C1QTNF3: variants seen among roughly 807,000 people sequenced by gnomAD.
C1QTNF3 encodes the protein C1q and TNF related 3.
Under a neutral mutation model 32.6 loss-of-function variants are expected in C1QTNF3, and 26 were observed. That is an observed-to-expected ratio of 0.80 (90% CI 0.58 to 1.11). C1QTNF3 has a LOEUF of 1.11. Among genes scored for constraint, C1QTNF3 ranks in the 50% least tolerant of loss-of-function variants. C1QTNF3 has a pLI of 0.00. For missense variants in C1QTNF3, 362 were observed against 398.2 expected (o/e 0.91, Z 0.77); for synonymous variants, 155 against 146.0 (o/e 1.06, Z -0.44).
intron 1 of C1QTNF3, among the ~76,000 whole-genome samples, chr5:34,040,944 T>C (rs548572358): frequency 4.3e-4 from 65 of 152,308 alleles, no homozygotes; most frequent in Non-Finnish European, 7.2e-4. Flanking sequence ...ATTTAACACA[T>C]GGCATTTAAT....
the C1QTNF3 span, among the ~76,000 whole-genome samples, chr5:34,173,936 T>C: frequency 6.6e-6 from 1 of 152,166 alleles, no homozygotes; most frequent in Non-Finnish European, 1.5e-5. Flanking sequence ...AGAGTCAGCA[T>C]GGTCAAAATA....
the C1QTNF3 span, among the ~76,000 whole-genome samples, chr5:34,114,363 T>C: frequency 5.9e-5 from 9 of 152,176 alleles, no homozygotes; most frequent in African/African-American, 2.2e-4. Context: ...ATATTCAGTA[T>C]CTATAAGCAA....
chr5:34,158,075 A>G, the C1QTNF3 span: 3 of 151,122 alleles, frequency 2.0e-5, no homozygotes, highest in Admixed American at 1.3e-4. Flanking sequence ...TCAATCTAAG[A>G]GCATACTAAA....
chr5:34,078,751 A>G, the C1QTNF3 span, among the ~76,000 whole-genome samples: 1 of 151,600 alleles, frequency 6.6e-6, no homozygotes, highest in Non-Finnish European at 1.5e-5. The surrounding 1 kb of genome is among the most constrained non-coding windows in gnomAD (Gnocchi z 4.0). Context: ...CCCACCTTGT[A>G]AACCTTCTTG....
chr5:34,221,601 C>G, the C1QTNF3 span, among the ~76,000 whole-genome samples: 1 of 152,042 alleles, frequency 6.6e-6, no homozygotes, highest in Non-Finnish European at 1.5e-5. Context: ...AAGTACCTTT[C>G]ACTATAAAAT....
chr5:34,123,402 T>C, the C1QTNF3 span, among the ~76,000 whole-genome samples: 1 of 152,086 alleles, frequency 6.6e-6, no homozygotes, highest in Non-Finnish European at 1.5e-5. Context: ...ATAAATAATA[T>C]CAGATTTTCA....
At chr5:34,083,872 CA>C in the C1QTNF3 span, among the ~76,000 whole-genome samples, 1 of 151,818 alleles carries the variant, frequency 6.6e-6, no homozygotes, top group Non-Finnish European at 1.5e-5. Context: ...TCATTATATT[CA>C]AATTGTTCCA....
the C1QTNF3 span, among the ~76,000 whole-genome samples, chr5:34,086,691 T>G: frequency 6.6e-6 from 1 of 152,174 alleles, no homozygotes; most frequent in Non-Finnish European, 1.5e-5. Flanking sequence ...CTTGGTGGCT[T>G]GTGATAAAAT....
chr5:34,194,752 T>G, the C1QTNF3 span, among the ~76,000 whole-genome samples: 1 of 152,300 alleles, frequency 6.6e-6, no homozygotes, highest in Admixed American at 6.5e-5. Context: ...GGGACTAGTT[T>G]CAGGATCTCC....
At chr5:34,164,298 A>G in the C1QTNF3 span, among the ~76,000 whole-genome samples, 1 of 152,106 alleles carries the variant, frequency 6.6e-6, no homozygotes, top group South Asian at 2.1e-4. Flanking sequence ...ATGGTACGAG[A>G]TATTTTGCAC....
intron 5 of C1QTNF3, 143 bp from the exon 6 acceptor site, chr5:34,020,885 C>A (rs575954038): frequency 2.6e-6 from 2 of 771,060 alleles, no homozygotes; most frequent in East Asian, 2.6e-5. Context: ...CAGAAATGAC[C>A]TATGTACCAC....
the C1QTNF3 span, among the ~76,000 whole-genome samples, chr5:34,178,396 A>T: frequency 6.6e-6 from 1 of 152,194 alleles, no homozygotes; most frequent in African/African-American, 2.4e-5. Context: ...TGTAAGCACG[A>T]TAAATTTAAG....
the C1QTNF3 span, among the ~76,000 whole-genome samples, chr5:34,188,213 C>A: frequency 4.5e-4 from 31 of 68,864 alleles, no homozygotes; most frequent in South Asian, 1.4e-3. Context: ...GCCTGGAAAT[C>A]CAGGCAAGTT....
chr5:34,240,428 C>A, the C1QTNF3 span, among the ~76,000 whole-genome samples: 1 of 150,192 alleles, frequency 6.7e-6, no homozygotes, highest in Non-Finnish European at 1.5e-5. Context: ...ATCAGAATGA[C>A]AAAAACGACA....
chr5:34,050,698 C>A, the C1QTNF3 span, among the ~76,000 whole-genome samples: 1 of 152,176 alleles, frequency 6.6e-6, no homozygotes, highest in Non-Finnish European at 1.5e-5. Flanking sequence ...TTCCCTATGA[C>A]ATATAAGTTC....
chr5:34,185,197 A>AAT, the C1QTNF3 span, among the ~76,000 whole-genome samples: 8,941 of 147,576 alleles, frequency 0.061, 7 homozygotes, highest in African/African-American at 0.18. Flanking sequence ...AACTACAAAA[A>AAT]ATATATATAT....
Position 34,019,741 on chromosome 5 carries a change from T to C in C1QTNF3, c.*842A>G, listed in dbSNP as rs867772663. On this transcript the variant is annotated 3_prime_UTR_variant, in exon 6 of 6. Coordinates refer to ENST00000382065, the MANE Select transcript of C1QTNF3 (RefSeq NM_181435.6). ...TTATTTCCATATATTGCTCATTACA[T>C]TTTTCTTGCCACAGTTTTATCTAAA... 1 of 152,230 alleles carries C rather than the reference T, an allele frequency of 6.6e-6. No homozygotes were observed. The highest frequency in any genetic ancestry group is 2.1e-4 in the South Asian group (1 of 4,834). 9.4% of individuals were successfully genotyped at this position (152,230 alleles called of 1,614,324 possible).
the C1QTNF3 span, among the ~76,000 whole-genome samples, chr5:34,107,878 T>A: frequency 6.6e-6 from 1 of 152,072 alleles, no homozygotes; most frequent in Non-Finnish European, 1.5e-5. Context: ...AGACTTGAGC[T>A]CAGTTTTATT....
the C1QTNF3 span, among the ~76,000 whole-genome samples, chr5:34,074,986 G>T: frequency 6.6e-6 from 1 of 151,570 alleles, no homozygotes; most frequent in Non-Finnish European, 1.5e-5. Flanking sequence ...TCATGTAATT[G>T]TTTGTCTGCA....
Sources: allele counts gnomAD v4.1 joint callset (sites outside exome capture counted in the v4.1 genomes callset), GRCh38; gene constraint gnomAD v4.1.1; non-coding constraint Gnocchi (gnomAD v3.1); transcripts MANE v1.5; gene names NCBI Gene and HGNC (gene_info 2026-07-23, HGNC 2026-07-21).